Variants in TUBGCP2 observed in about 807,000 individuals in gnomAD.
TUBGCP2 encodes tubulin gamma complex component 2, also known as gamma-tubulin complex component 2.
In TUBGCP2, 55 loss-of-function variants were observed where a neutral mutation model predicts 92.2. The ratio of observed to expected loss-of-function variants is 0.60; its 90% CI spans 0.48 to 0.75. The LOEUF (loss-of-function observed/expected upper bound fraction) is 0.75. Among genes scored for constraint, TUBGCP2 ranks in the 30% least tolerant of loss-of-function variants. The pLI is 0.00. For synonymous variants in TUBGCP2, 533 were observed against 505.2 expected, an observed-to-expected ratio of 1.06 and a Z score of -0.74; for missense variants, 1,093 against 1,188.9, an observed-to-expected ratio of 0.92 and a Z score of 1.19.
rs760965067 is a variant in TUBGCP2, at chr10:133,292,639, C to G, written c.1074G>C (p.Leu358=). ...GECLGGSTLS[L]LHDRSFSYTG... is the part of the protein sequence containing the mutation. ...TGTAGCTGAAGCTCCTGTCGTGGAGCAGGCTCAGCGTGGACCCCCCAAGAC... is the reference window on the plus strand; with the variant it reads ...TGTAGCTGAAGCTCCTGTCGTGGAGGAGGCTCAGCGTGGACCCCCCAAGAC... Residue 358 remains leucine, a synonymous_variant, in exon 8 of 18, where the codon CTG becomes CTC. Coordinates refer to ENST00000252936, the MANE Select transcript of TUBGCP2 (RefSeq NM_006659.4). 6.2e-7 allele frequency: 1 copy of G among 1,614,114 alleles called. No homozygotes were observed.
chr10:133,283,196 C>A lies in TUBGCP2; in HGVS notation c.2171G>T (p.Gly724Val), dbSNP rs1847034415. Residue 724 changes from glycine (G) to valine (V), a missense_variant, in exon 15 of 18, where the codon GGC becomes GTC. Gly to Val is a moderately radical substitution (Grantham distance 109). Around this residue, in one of 3 missense-constraint regions of TUBGCP2, gnomAD observed 598 missense variants for 675.5 expected, o/e 0.89. Transcript: ENST00000252936. The part of the protein sequence containing the change: ...KSASNIDDVL[G>V]HHTGFLDTCL... The stretch of plus-strand genomic sequence containing the variant: ...GGTGTCCAGGAAGCCTGTGTGGTGG[C>A]CAAGGACGTCGTCAATGTTGGAGGC... 1 of 1,614,096 alleles carries A rather than the reference C, an allele frequency of 6.2e-7. No individual in the cohort carries two copies. The highest frequency in any genetic ancestry group is 1.3e-5 in the African/African-American group (1 of 74,928).
chr10:133,282,429 C>A, intron 15 of TUBGCP2, 87 bp from the exon 16 acceptor site: 1 of 1,477,856 alleles, frequency 6.8e-7, no homozygotes, highest in East Asian at 2.4e-5. Context: ...GGCACGTCAC[C>A]CTCCGCACCT....
intron 14 of TUBGCP2, among the ~76,000 whole-genome samples, chr10:133,283,441 G>A (rs1040130438): frequency 3.9e-5 from 6 of 152,394 alleles, no homozygotes. Context: ...CAGGAAGGGA[G>A]GCTGCGGCAG....
chr10:133,310,401 G>A, upstream of TUBGCP2: 2 of 1,368,708 alleles, frequency 1.5e-6, no homozygotes, highest in Non-Finnish European at 2.0e-6. Flanking sequence ...GTCACCTAAT[G>A]GGGTGTTCAC....
chr10:133,308,301 G>A (rs1847876923), intron 1 of TUBGCP2, among the ~76,000 whole-genome samples: 3 of 152,250 alleles, frequency 2.0e-5, no homozygotes, highest in African/African-American at 7.2e-5. Context: ...CACAGGTCCT[G>A]TGTTTCACGG....
At chr10:133,309,569 A>C, upstream of TUBGCP2, 1 of 1,376,168 alleles carries the variant, frequency 7.3e-7, no homozygotes, top group Non-Finnish European at 1.0e-6. Flanking sequence ...CGGCCGCCCC[A>C]CCGAGGCGCT....
rs1022609470 is a variant in TUBGCP2, at chr10:133,285,161, G to A, written c.1948C>T (p.His650Tyr). ...ACGCTGCAGAGCTGCCGCTCCACGT[G>A]CTTGCAGTAGAACATGTGCCTGAAG... ...MLFRHMFYCKHVERQLCSVWI... is the reference protein window; with the variant it reads ...MLFRHMFYCKYVERQLCSVWI... The change falls in exon 13 of 18, where the codon CAC becomes TAC. Residue 650 changes from histidine (H) to tyrosine (Y), a missense_variant. By Grantham distance (83) the His-to-Tyr change is moderately conservative. This residue lies in a region of TUBGCP2 where 598 missense variants were observed against 675.5 expected (regional missense o/e 0.89). Coordinates refer to ENST00000252936, the MANE Select transcript of TUBGCP2 (RefSeq NM_006659.4). The surrounding 1 kb of genome is among the most constrained non-coding windows in gnomAD (Gnocchi z 6.8). 1 of 1,613,574 alleles carries A rather than the reference G, an allele frequency of 6.2e-7. No homozygotes were observed. Among genetic ancestry groups the A allele is most frequent in the Non-Finnish European group, 8.5e-7 (1 of 1,179,976 alleles).
chr10:133,307,550 G>A (rs1847854694), intron 1 of TUBGCP2, among the ~76,000 whole-genome samples: 1 of 152,236 alleles, frequency 6.6e-6, no homozygotes, highest in Non-Finnish European at 1.5e-5. Flanking sequence ...TCTGAGAAAT[G>A]CCTGGCCAAC....
intron 5 of TUBGCP2, among the ~76,000 whole-genome samples, chr10:133,294,260 G>A (rs536622576): frequency 6.6e-6 from 1 of 152,238 alleles, no homozygotes; most frequent in Admixed American, 6.5e-5. Flanking sequence ...GACGGCCACG[G>A]GCCGCCACCC....
chr10:133,284,533 C>T (rs1301648933), intron 13 of TUBGCP2, among the ~76,000 whole-genome samples: 5 of 151,290 alleles, frequency 3.3e-5, no homozygotes, highest in South Asian at 4.2e-4. Context: ...AAATAATTTT[C>T]TTTTTTTTTA....
chr10:133,290,224 G>A, intron 8 of TUBGCP2: 2 of 455,518 alleles, frequency 4.4e-6, no homozygotes, highest in South Asian at 5.0e-5. Flanking sequence ...GCCGGGCACA[G>A]TGGCTCACGC....
intron 16 of TUBGCP2, 127 bp downstream of exon 16, chr10:133,282,096 T>C: frequency 6.9e-7 from 1 of 1,451,806 alleles, no homozygotes; most frequent in Non-Finnish European, 9.2e-7. Flanking sequence ...ATTTTAAGTC[T>C]TTTCTTCAAT....
At chr10:133,309,465 T>C (rs753482184), upstream of TUBGCP2, 2 of 1,611,782 alleles carry the variant, frequency 1.2e-6, no homozygotes, top group Non-Finnish European at 1.7e-6. Context: ...GAAGCCCAGG[T>C]AAGCGAATGG....
At chr10:133,290,040 C>G in intron 8 of TUBGCP2, 71 bp from the exon 9 acceptor site, 1 of 1,585,806 alleles carries the variant, frequency 6.3e-7, no homozygotes, top group Non-Finnish European at 8.6e-7. Flanking sequence ...CTTCTCCAGG[C>G]CGGCAGCGCG....
upstream of TUBGCP2, chr10:133,309,893 C>T (rs746441236): frequency 7.4e-6 from 12 of 1,613,644 alleles, no homozygotes; most frequent in Middle Eastern, 6.6e-4. Context: ...GCAAGCGGGC[C>T]TTCCCTTCCG....
intron 1 of TUBGCP2, among the ~76,000 whole-genome samples, chr10:133,306,890 G>A (rs991828088): frequency 6.6e-6 from 1 of 152,182 alleles, no homozygotes; most frequent in Non-Finnish European, 1.5e-5. Flanking sequence ...TTCATCCCAT[G>A]AGGAGCCTGC....
At chr10:133,290,097 A>G in intron 8 of TUBGCP2, 128 bp from the exon 9 acceptor site, 1 of 1,324,752 alleles carries the variant, frequency 7.5e-7, no homozygotes, top group Non-Finnish European at 1.0e-6. Context: ...ACGTTCCACA[A>G]GGGCCGAGCC....
intron 10 of TUBGCP2, among the ~76,000 whole-genome samples, 165 bp from the exon 11 acceptor site, chr10:133,288,474 G>T (rs994555554): frequency 7.2e-5 from 11 of 152,160 alleles, no homozygotes; most frequent in Admixed American, 5.2e-4. Flanking sequence ...GAGCAGGCGT[G>T]AGCACGTGCC....
intron 9 of TUBGCP2, among the ~76,000 whole-genome samples, chr10:133,289,571 C>G (rs1046174137): frequency 9.2e-5 from 14 of 152,170 alleles, no homozygotes; most frequent in Non-Finnish European, 2.9e-5. Flanking sequence ...GAGAGAGCCT[C>G]GCAGGGTCAG....
Sources: allele counts gnomAD v4.1 joint callset (sites outside exome capture counted in the v4.1 genomes callset), GRCh38; gene constraint gnomAD v4.1.1; regional missense constraint gnomAD v4.1.1; non-coding constraint Gnocchi (gnomAD v3.1); transcripts MANE v1.5; gene names NCBI Gene and HGNC (gene_info 2026-07-23, HGNC 2026-07-21).